Variants in RAG1 observed in about 807,000 individuals in gnomAD.
The protein encoded by RAG1 is recombination activating 1, also known as V(D)J recombination-activating protein 1.
RAG1 carries 35 observed loss-of-function variants against 62.7 expected under a neutral mutation model. The ratio of observed to expected loss-of-function variants is 0.56; its 90% CI spans 0.43 to 0.74. The LOEUF (loss-of-function observed/expected upper bound fraction) is 0.74. Among genes scored for constraint, RAG1 ranks in the 30% least tolerant of loss-of-function variants. The pLI, the probability that RAG1 is intolerant of heterozygous loss-of-function variation, is 0.00. For missense variants in RAG1, 1,169 were observed against 1,278.6 expected (o/e 0.91, Z 1.31); for synonymous variants, 461 against 470.3 (o/e 0.98, Z 0.26).
At chr11:36,542,744 T>A (rs1850328203) in intron 3 of RAG1, among the ~76,000 whole-genome samples, 1 of 152,168 alleles carries the variant, frequency 6.6e-6, no homozygotes, top group African/African-American at 2.4e-5. Context: ...ATGCAGGCAA[T>A]AAAGCTTGGT....
upstream of RAG1, among the ~76,000 whole-genome samples, chr11:36,564,590 A>C (rs1850635241): frequency 6.6e-6 from 1 of 152,222 alleles, no homozygotes; most frequent in Non-Finnish European, 1.5e-5. Flanking sequence ...TGTAGCTAAA[A>C]TCAGAAAGCC....
At position 36,576,006 on chromosome 11, in the gene RAG1, CT is replaced by C; in HGVS notation, c.2703del (p.Ala902LeufsTer76). ...KMKPVWRSSC[P>X]AKECPESLCQ... is the part of the protein sequence containing the mutation. ...AAACCAGTATGGCGATCATCATGCC[CT>C]GCTAAAGAGTGCCCAGAATCCCTCT... is the stretch of plus-strand genomic sequence containing the variant. On this transcript the variant is annotated frameshift_variant, in exon 2 of 2. Coordinates refer to ENST00000299440, the MANE Select transcript of RAG1 (RefSeq NM_000448.3). LOFTEE classifies it high-confidence loss of function. The C allele has an allele frequency of 6.2e-7, 1 of 1,614,192 alleles. No individual in the cohort carries two copies. The highest frequency in any genetic ancestry group is 8.5e-7 in the Non-Finnish European group (1 of 1,180,042).
At position 36,522,349 on chromosome 11, in the gene RAG1, C is replaced by T. The variant is rs571375898; in HGVS notation, n.428+2120C>T. Among the ~76,000 whole-genome samples, 76 of 152,324 alleles carry T rather than the reference C, an allele frequency of 5.0e-4. No individual in the cohort carries two copies. The South Asian group carries it at 6.0e-3, about 12-fold the overall frequency. ...GACTAAAGGGGTCCAAGGTATGGCT[C>T]GGGCTGTGGCTTCAGAGGGCGCAAG... On this transcript the variant is annotated intron_variant and non_coding_transcript_variant, in intron 2 of 2. Transcript: ENST00000529126.
Position 36,574,761 on chromosome 11 carries a change from A to G in RAG1, c.1457A>G (p.Lys486Arg). 1.2e-6 allele frequency: 2 copies of G among 1,614,216 alleles called. No homozygotes were observed. The highest frequency in any genetic ancestry group is 1.7e-6 in the Non-Finnish European group (2 of 1,180,040). Residue 486 changes from lysine (K) to arginine (R), a missense_variant, in exon 2 of 2, where the codon AAG becomes AGG. By Grantham distance (26) the Lys-to-Arg change is conservative (BLOSUM62 2). Around this residue, in one of 2 missense-constraint regions of RAG1, gnomAD observed 800 missense variants for 943.3 expected, o/e 0.85. Coordinates refer to ENST00000299440, the MANE Select transcript of RAG1 (RefSeq NM_000448.3). ...TTCCTCAGCTGCAGTCAGTACCACA[A>G]GATGTACAGGACTGTGAAAGCCATC... ...NTFLSCSQYH[K>R]MYRTVKAITG...
At chr11:36,540,567 G>C (rs2133263965), downstream of RAG1, among the ~76,000 whole-genome samples, 1 of 152,174 alleles carries the variant, frequency 6.6e-6, no homozygotes, top group East Asian at 1.9e-4. Context: ...ACCACGCATG[G>C]CTAATTTTTT....
rs371174980 is a variant in RAG1 at position 36,574,492 on chromosome 11, C to G, written c.1188C>G (p.Arg396=). The change falls in exon 2 of 2, where the codon CGC becomes CGG. Residue 396 remains arginine (R), a synonymous_variant. Transcript: ENST00000299440. ...FVHINKGGRP[R]QHLLSLTRRA... is the part of the protein sequence containing the mutation. ...ACATTAATAAAGGGGGCCGGCCCCG[C>G]CAACATCTTCTGTCGCTGACTCGGA... is the stretch of plus-strand genomic sequence containing the variant. 2 of 1,614,108 alleles carry G rather than the reference C, an allele frequency of 1.2e-6. No homozygotes were observed. The highest frequency in any genetic ancestry group is 1.3e-5 in the African/African-American group (1 of 74,946).
chr11:36,524,218 C>A (rs1300390511), intron 2 of RAG1, among the ~76,000 whole-genome samples: 3 of 151,408 alleles, frequency 2.0e-5, no homozygotes, highest in African/African-American at 7.3e-5. Flanking sequence ...GGAGGGATAG[C>A]ATTAGGAAAT....
intron 1 of RAG1, among the ~76,000 whole-genome samples, chr11:36,513,058 G>A (rs992377239): frequency 6.6e-5 from 10 of 152,108 alleles, no homozygotes; most frequent in Admixed American, 5.9e-4. Context: ...GAGTGAATTC[G>A]TTATTCTGGG....
chr11:36,569,222 A>G (rs1043940272), intron 1 of RAG1, among the ~76,000 whole-genome samples: 5 of 152,162 alleles, frequency 3.3e-5, no homozygotes, highest in Admixed American at 2.6e-4. Context: ...GCCACCCCAA[A>G]CTAGTTTGTC....
intron 3 of RAG1, among the ~76,000 whole-genome samples, chr11:36,559,953 T>G (rs1301649416): frequency 6.6e-6 from 1 of 152,232 alleles, no homozygotes; most frequent in Non-Finnish European, 1.5e-5. Context: ...TGTTCCTTTA[T>G]TAGCATCTGT....
Position 36,575,563 on chromosome 11 carries a change from T to A in RAG1, c.2259T>A (p.His753Gln), listed in dbSNP as rs747746845. Reference sequence around the variant, plus strand: ...TCTTCCACTCTATAACCAGAAGCCATGCTGAGAACCTGGAACGTTATGAGG... The same window carrying A: ...TCTTCCACTCTATAACCAGAAGCCAAGCTGAGAACCTGGAACGTTATGAGG... ...NLVFHSITRS[H>Q]AENLERYEVW... The change falls in exon 2 of 2, where the codon CAT (histidine) becomes CAA (glutamine). Residue 753 changes from histidine (H) to glutamine (Q), a missense_variant. Transcript: ENST00000299440. This position sits in a 1 kb window ranked among gnomAD's most constrained non-coding sequence, Gnocchi z 4.1. 1 of 1,614,238 alleles carries A rather than the reference T, an allele frequency of 6.2e-7. No homozygotes were observed. Among genetic ancestry groups the A allele is most frequent in the Non-Finnish European group, 8.5e-7 (1 of 1,180,040 alleles).
upstream of RAG1, chr11:36,510,571 C>G (rs1010423778): frequency 6.7e-6 from 1 of 149,490 alleles, no homozygotes; most frequent in African/African-American, 2.5e-5. Context: ...TCCCAAACTG[C>G]GCTTTTATAG....
intron 2 of RAG1, among the ~76,000 whole-genome samples, chr11:36,523,097 A>G (rs1452029599): frequency 6.6e-6 from 1 of 152,146 alleles, no homozygotes; most frequent in Non-Finnish European, 1.5e-5. Flanking sequence ...TAGGGGGACT[A>G]TTGGGAAGGC....
At chr11:36,537,147 A>G (rs975637653), downstream of RAG1, among the ~76,000 whole-genome samples, 8 of 152,160 alleles carry the variant, frequency 5.3e-5, no homozygotes, top group Non-Finnish European at 1.0e-4. Flanking sequence ...GAAATAAAAA[A>G]TCTTTATACC....
At chr11:36,572,961 A>G (rs1179746099) in intron 1 of RAG1, among the ~76,000 whole-genome samples, 1 of 152,156 alleles carries the variant, frequency 6.6e-6, no homozygotes, top group African/African-American at 2.4e-5. Flanking sequence ...TTGAGCACCT[A>G]ATGTATACTG....
Position 36,576,547 on chromosome 11 carries a change from A to C in RAG1, c.*111A>C. ...TGTGTATGGGGCTTCACCATCCAAG[A>C]GGTGGTAGGTTGGAGTAAGATGCTA... On this transcript the variant is annotated 3_prime_UTR_variant, in exon 2 of 2. Transcript: ENST00000299440. 2 of 1,329,968 alleles carry C rather than the reference A, an allele frequency of 1.5e-6. No individual in the cohort carries two copies. Among genetic ancestry groups the C allele is most frequent in the Non-Finnish European group, 2.1e-6 (2 of 932,336 alleles). The allele number at this position is 1,329,968 out of a possible 1,614,324, so 82.4% of individuals were successfully genotyped here.
intron 3 of RAG1, among the ~76,000 whole-genome samples, chr11:36,560,814 G>C (rs1850573435): frequency 1.3e-5 from 2 of 152,138 alleles, no homozygotes; most frequent in South Asian, 4.1e-4. Context: ...TCTTGGCTCT[G>C]AGCTGATCTT....
At chr11:36,568,338 T>C (rs1850689348) in intron 1 of RAG1, among the ~76,000 whole-genome samples, 1 of 152,164 alleles carries the variant, frequency 6.6e-6, no homozygotes, top group Non-Finnish European at 1.5e-5. Context: ...ATATCTGAAT[T>C]ACTATAAATG....
chr11:36,576,130 C>T lies in RAG1; in HGVS notation c.2826C>T (p.Thr942=). 1.2e-6 allele frequency: 2 copies of T among 1,613,950 alleles called. No homozygotes were observed. The highest frequency in any genetic ancestry group is 1.7e-6 in the Non-Finnish European group (2 of 1,180,022). The stretch of plus-strand genomic sequence containing the variant: ...AAATCACCAATTATTTTCACAAAAC[C>T]CTGGCCCATGTTCCTGAAATTATTG... ...EGKITNYFHK[T]LAHVPEIIER... is the part of the protein sequence containing the mutation. Residue 942 remains threonine (T), a synonymous_variant, in exon 2 of 2, where the codon ACC becomes ACT. Coordinates refer to ENST00000299440, the MANE Select transcript of RAG1 (RefSeq NM_000448.3).
Sources: gnomAD v4.1 joint callset for allele counts (sites outside exome capture counted in the v4.1 genomes callset) on GRCh38, gnomAD v4.1.1 for gene constraint, gnomAD v4.1.1 regional missense constraint, Gnocchi (gnomAD v3.1) non-coding constraint, MANE v1.5 for transcripts, NCBI Gene and HGNC (gene_info 2026-07-23, HGNC 2026-07-21) for gene names.